The following TRAPPC9 variants were observed in gnomAD, a reference collection of about 807,000 sequenced individuals.
TRAPPC9 encodes IKK2 binding protein.
In TRAPPC9, 83 loss-of-function variants were observed where a neutral mutation model predicts 124.0. The observed-to-expected ratio is 0.67, with a 90% confidence interval of 0.56 to 0.80. The LOEUF is 0.80. TRAPPC9 is among the 30% of genes least tolerant of loss of function. TRAPPC9 has a pLI of 0.00. For missense variants in TRAPPC9, 1,302 were observed against 1,508.3 expected (o/e 0.86, Z 2.27); for synonymous variants, 638 against 617.5 (o/e 1.03, Z -0.49).
intron 18 of TRAPPC9, among the ~76,000 whole-genome samples, chr8:140,005,522 G>A (rs898854801): frequency 1.3e-5 from 2 of 152,132 alleles, no homozygotes; most frequent in African/African-American, 4.8e-5. Context: ...CTACTAGGGA[G>A]AGGGCTCTCT....
intron 15 of TRAPPC9, 107 bp downstream of exon 15, chr8:140,275,551 T>A: frequency 7.8e-7 from 1 of 1,281,234 alleles, no homozygotes; most frequent in South Asian, 1.2e-5. Context: ...TTCAACTGAA[T>A]CCACAAAGAA....
At chr8:140,451,875 C>A (rs1054462501) in intron 1 of TRAPPC9, among the ~76,000 whole-genome samples, 1 of 152,176 alleles carries the variant, frequency 6.6e-6, no homozygotes, top group East Asian at 1.9e-4. Context: ...AATCCTAACA[C>A]TTTGGAAGGC....
At chr8:140,045,153 G>A (rs1463078705) in intron 17 of TRAPPC9, among the ~76,000 whole-genome samples, 1 of 152,184 alleles carries the variant, frequency 6.6e-6, no homozygotes, top group Non-Finnish European at 1.5e-5. Context: ...GAGGTGAGGA[G>A]TCTGAAGGCC....
chr8:140,156,108 G>A (rs115830679), intron 17 of TRAPPC9, among the ~76,000 whole-genome samples: 3,294 of 152,230 alleles, frequency 0.022, 116 homozygotes, highest in African/African-American at 0.075. Context: ...GGTAACATTC[G>A]ATGCAGACAG....
rs964679302 is a variant in TRAPPC9, at chr8:140,182,889, G to A, written c.2556+38570C>T. 2.0e-5 allele frequency among the ~76,000 whole-genome samples: 3 copies of A among 152,022 alleles called. No homozygotes were observed. Among genetic ancestry groups the A allele is most frequent in the Non-Finnish European group, 4.4e-5 (3 of 67,990 alleles). ...TCCCAGTGCAGCCTTTCCAATGCAC[G>A]GGAGCCAGCACTCTCTCCCTCCCAG... On this transcript the variant is annotated intron_variant, in intron 17 of 22. Transcript: ENST00000438773. The surrounding 1 kb of genome is among the most constrained non-coding windows in gnomAD (Gnocchi z 4.0).
chr8:140,354,696 A>G (rs1289983132), intron 9 of TRAPPC9, among the ~76,000 whole-genome samples: 1 of 152,244 alleles, frequency 6.6e-6, no homozygotes, highest in Non-Finnish European at 1.5e-5. Flanking sequence ...AGCAAAATTT[A>G]GAAATGTTAG....
chr8:140,362,028 A>G (rs1158605818), intron 8 of TRAPPC9, among the ~76,000 whole-genome samples: 1 of 152,194 alleles, frequency 6.6e-6, no homozygotes, highest in Non-Finnish European at 1.5e-5. Flanking sequence ...TGCCCTGCAC[A>G]GCTGACCAGT....
intron 17 of TRAPPC9, chr8:140,099,849 G>T: frequency 7.8e-6 from 1 of 128,026 alleles, no homozygotes. Context: ...CTCCAGGGGA[G>T]GACACCCAGC....
At chr8:140,439,971 G>A (rs891863906) in intron 2 of TRAPPC9, among the ~76,000 whole-genome samples, 6 of 152,108 alleles carry the variant, frequency 3.9e-5, no homozygotes, top group Non-Finnish European at 8.8e-5. Context: ...ACGTTTCTAA[G>A]TAAATGAATG....
chr8:139,999,076 C>CA (rs1391742523), intron 18 of TRAPPC9, among the ~76,000 whole-genome samples: 1 of 151,734 alleles, frequency 6.6e-6, no homozygotes, highest in Admixed American at 6.6e-5. Context: ...AGTGAATAAA[C>CA]AAAAAACAAA....
intron 17 of TRAPPC9, among the ~76,000 whole-genome samples, chr8:140,122,065 CTCTCTCCCTCCT>C (rs1471068419): frequency 6.6e-6 from 1 of 151,900 alleles, no homozygotes; most frequent in East Asian, 1.9e-4. Flanking sequence ...TTCTCCCTCC[CTCTCTCCCTCCT>C]ACACTGTCTT....
intron 17 of TRAPPC9, among the ~76,000 whole-genome samples, chr8:140,187,174 G>A (rs756628113): frequency 3.9e-5 from 6 of 152,200 alleles, no homozygotes; most frequent in South Asian, 4.1e-4. Context: ...TCAGCCAGAC[G>A]TGGGTGGAAA....
At chr8:139,970,896 C>A (rs956393592) in intron 19 of TRAPPC9, among the ~76,000 whole-genome samples, 6 of 152,062 alleles carry the variant, frequency 3.9e-5, no homozygotes, top group African/African-American at 1.4e-4. Flanking sequence ...CAACCTCTGC[C>A]CCCTGTCGAA....
intron 19 of TRAPPC9, among the ~76,000 whole-genome samples, chr8:139,941,278 C>T (rs1833903623): frequency 6.6e-6 from 1 of 152,202 alleles, no homozygotes; most frequent in Admixed American, 6.5e-5. Context: ...CTGCAGAAGC[C>T]TCACAGGGAA....
At chr8:140,272,872 GA>G (rs113176862) in intron 15 of TRAPPC9, among the ~76,000 whole-genome samples, 8 of 133,216 alleles carry the variant, frequency 6.0e-5, no homozygotes, top group South Asian at 2.4e-4. Flanking sequence ...CCCCCCACCA[GA>G]CCCCCCTCCA....
chr8:140,101,011 A>C (rs1027560376), intron 17 of TRAPPC9, among the ~76,000 whole-genome samples: 1 of 152,254 alleles, frequency 6.6e-6, no homozygotes, highest in Non-Finnish European at 1.5e-5. Context: ...AGTTGAAATT[A>C]AGAAATTTTC....
intron 15 of TRAPPC9, among the ~76,000 whole-genome samples, chr8:140,271,188 G>C (rs1030882183): frequency 1.3e-5 from 2 of 152,200 alleles, no homozygotes; most frequent in African/African-American, 4.8e-5. Context: ...CAGAGTACCA[G>C]ATGAAGGATT....
chr8:140,165,185 A>G (rs994730347), intron 17 of TRAPPC9, among the ~76,000 whole-genome samples: 1 of 152,070 alleles, frequency 6.6e-6, no homozygotes, highest in Non-Finnish European at 1.5e-5. Flanking sequence ...TCTACTAAAT[A>G]TAAAAATTAG....
In TRAPPC9 at chr8:140,099,245, C is replaced by G. The variant is rs1275327968; in HGVS notation, c.2557-75166G>C. 2.0e-5 allele frequency: 3 copies of G among 148,170 alleles called. No homozygotes were observed. In the East Asian group the frequency reaches 6.2e-4, roughly 30 times the overall value. The allele number at this position is 148,170 out of a possible 1,614,324, so 9.2% of individuals were successfully genotyped here. A position where few individuals can be genotyped will look rare whatever the true frequency, so the allele number is the denominator to read the frequency against. ...GCGCAGCTGCAGGAGTGCCGCAGTC[C>G]GCAGGGTACTGACGCTCTCCTGAAT... On this transcript the variant is annotated intron_variant, in intron 17 of 22. Transcript: ENST00000438773.
Sources: gnomAD v4.1 joint callset for allele counts (sites outside exome capture counted in the v4.1 genomes callset) on GRCh38, gnomAD v4.1.1 for gene constraint, Gnocchi (gnomAD v3.1) non-coding constraint, MANE v1.5 for transcripts, NCBI Gene and HGNC (gene_info 2026-07-23, HGNC 2026-07-21) for gene names.